Variants in TRAPPC8 observed in about 807,000 individuals in gnomAD.
TRAPPC8 encodes the protein trafficking protein particle complex subunit 8, also known as general sporulation gene 1 homolog.
A neutral mutation model predicts 174.3 loss-of-function variants in TRAPPC8; 54 were observed. The ratio of observed to expected loss-of-function variants is 0.31; its 90% confidence interval spans 0.25 to 0.39. The LOEUF is 0.39. Among genes scored for constraint, TRAPPC8 ranks in the 10% least tolerant of loss-of-function variants. TRAPPC8 has a pLI of 1.00. For synonymous variants in TRAPPC8, 630 were observed against 579.9 expected (o/e 1.09, Z -1.24); for missense variants, 1,531 against 1,699.1 (o/e 0.90, Z 1.74).
intron 16 of TRAPPC8, 56 bp downstream of exon 16, chr18:31,870,316 C>T (rs898320579): frequency 1.6e-5 from 24 of 1,502,414 alleles, no homozygotes; most frequent in Non-Finnish European, 2.2e-5. Flanking sequence ...AATGTTACTA[C>T]AGCATTTGTT....
chr18:31,941,827 A>G (rs1379455688), intron 1 of TRAPPC8, among the ~76,000 whole-genome samples: 1 of 152,228 alleles, frequency 6.6e-6, no homozygotes, highest in Non-Finnish European at 1.5e-5. Flanking sequence ...TGGCTAAAAC[A>G]TGCTTGAAGC....
intron 12 of TRAPPC8, among the ~76,000 whole-genome samples, chr18:31,887,405 G>A (rs2035763891): frequency 6.6e-6 from 1 of 152,168 alleles, no homozygotes; most frequent in South Asian, 2.1e-4. Flanking sequence ...CAGCACTTGG[G>A]AGGCCAAGGC....
chr18:31,938,936 TGAGCATGGTGGCAC>T (rs1456706331), intron 1 of TRAPPC8, among the ~76,000 whole-genome samples: 1 of 151,846 alleles, frequency 6.6e-6, no homozygotes, highest in African/African-American at 2.4e-5. Context: ...AAAAATTAGC[TGAGCATGGTGGCAC>T]GAGCCTGTAG....
At chr18:31,854,704 C>G (rs557156924) in intron 21 of TRAPPC8, among the ~76,000 whole-genome samples, 48 of 152,220 alleles carry the variant, frequency 3.2e-4, no homozygotes, top group Non-Finnish European at 6.6e-4. Flanking sequence ...CACGGTGGCT[C>G]ACGCCTGTAA....
Position 31,885,821 on chromosome 18 carries a change from T to C in TRAPPC8, c.1728+4914A>G, listed in dbSNP as rs549043327. Among the ~76,000 whole-genome samples, 20 of 151,080 alleles carry C rather than the reference T, an allele frequency of 1.3e-4. No homozygotes were observed. The East Asian group carries it at 3.8e-3, about 29-fold the overall frequency. On this transcript the variant is annotated intron_variant, in intron 12 of 28. Coordinates refer to ENST00000283351, the MANE Select transcript of TRAPPC8 (RefSeq NM_014939.5). ...GTTGCAGTGAGCCGAGATCGCGCCA[T>C]TGCACTCCAGCCTGGGCAACAAGAG...
At chr18:31,856,399 T>C (rs1291179099) in intron 20 of TRAPPC8, among the ~76,000 whole-genome samples, 9 of 152,152 alleles carry the variant, frequency 5.9e-5, no homozygotes, top group Non-Finnish European at 1.2e-4. Flanking sequence ...ATCAATCATA[T>C]TCACCATCTT....
At chr18:31,930,122 CTTT>C (rs763334461) in intron 2 of TRAPPC8, among the ~76,000 whole-genome samples, 4,509 of 144,380 alleles carry the variant, frequency 0.031, 238 homozygotes, top group African/African-American at 0.11. Flanking sequence ...TTAGGAAAAA[CTTT>C]TTTTTTTTTT....
chr18:31,895,146 T>C (rs1436313406), intron 11 of TRAPPC8, among the ~76,000 whole-genome samples: 2 of 152,346 alleles, frequency 1.3e-5, no homozygotes, highest in Non-Finnish European at 2.9e-5. Flanking sequence ...GCTATGACGG[T>C]ATTAGCAAAA....
chr18:31,852,527 C>T, intron 23 of TRAPPC8, 23 bp from the exon 24 acceptor site: 1 of 1,614,020 alleles, frequency 6.2e-7, no homozygotes, highest in Non-Finnish European at 8.5e-7. Context: ...GGAAAACAAA[C>T]TAATCATATC....
Position 31,875,831 on chromosome 18 carries a change from C to CATG in TRAPPC8, c.1729-1130_1729-1128dup, listed in dbSNP as rs77688481. Among the ~76,000 whole-genome samples the CATG allele has an allele frequency of 7.3e-3, 1,105 of 152,242 alleles. 42 individuals are homozygous for CATG. In the East Asian group the frequency reaches 0.1, roughly 14 times the overall value. ...GAGGTACACAGAAAGACAGATCCTG[C>CATG]ATGTTCTCACTCATATGTGGGAGCT... is the stretch of plus-strand genomic sequence containing the variant. On this transcript the variant is annotated intron_variant, in intron 12 of 28. Transcript: ENST00000283351.
intron 12 of TRAPPC8, among the ~76,000 whole-genome samples, chr18:31,880,519 T>A (rs12965515): frequency 0.26 from 38,985 of 151,576 alleles, 5,246 homozygotes; most frequent in Middle Eastern, 0.38. Flanking sequence ...GACCCATATA[T>A]GACAAACTCA....
At chr18:31,892,146 AAAG>A (rs1335179453) in intron 11 of TRAPPC8, among the ~76,000 whole-genome samples, 2 of 152,322 alleles carry the variant, frequency 1.3e-5, no homozygotes, top group East Asian at 1.9e-4. Flanking sequence ...ATTTTTTTAA[AAAG>A]AATACATGTT....
chr18:31,908,752 A>T lies in TRAPPC8; in HGVS notation c.1122+2T>A, dbSNP rs780569914. 1 of 1,587,162 alleles carries T rather than the reference A, an allele frequency of 6.3e-7. No homozygotes were observed. Among genetic ancestry groups the T allele is most frequent in the Non-Finnish European group, 8.6e-7 (1 of 1,163,588 alleles). On this transcript the variant is annotated splice_donor_variant, in intron 7 of 28. Coordinates refer to ENST00000283351, the MANE Select transcript of TRAPPC8 (RefSeq NM_014939.5). LOFTEE classifies it high-confidence loss of function. ...ATACTAATCCAAAAAATCAAACCTT[A>T]CCTGATCGTTTAATTGCCTAATTGT...
At chr18:31,893,403 G>A (rs1210262182) in intron 11 of TRAPPC8, among the ~76,000 whole-genome samples, 1 of 136,664 alleles carries the variant, frequency 7.3e-6, no homozygotes, top group Admixed American at 6.9e-5. Flanking sequence ...GTGTGTGTGT[G>A]CGCGCGCGCG....
chr18:31,908,455 A>G, intron 7 of TRAPPC8, 37 bp from the exon 8 acceptor site: 2 of 1,357,134 alleles, frequency 1.5e-6, no homozygotes, highest in Non-Finnish European at 2.0e-6. Flanking sequence ...ACAAACAAAG[A>G]ATTTAGTATT....
At position 31,851,513 on chromosome 18, in the gene TRAPPC8, C is replaced by T. The variant is rs1271780331; in HGVS notation, c.3561+933G>A. ...TTGAATACCACTGTTCTAGGAGGCT[C>T]TTTTTTTTTTTTTCTTTTAAGAGAC... On this transcript the variant is annotated intron_variant, in intron 24 of 28. Coordinates refer to ENST00000283351, the MANE Select transcript of TRAPPC8 (RefSeq NM_014939.5). Among the ~76,000 whole-genome samples the T allele has an allele frequency of 1.2e-4, 18 of 145,790 alleles. No individual in the cohort carries two copies. The East Asian group carries it at 3.6e-3, about 29-fold the overall frequency.
chr18:31,874,224 T>TG, intron 13 of TRAPPC8: 1 of 479,386 alleles, frequency 2.1e-6, no homozygotes, highest in Non-Finnish European at 3.6e-6. Context: ...ACCTGTGGAA[T>TG]CTTTTTTTTT....
chr18:31,899,931 C>A (rs144682384), intron 10 of TRAPPC8, among the ~76,000 whole-genome samples: 1 of 150,352 alleles, frequency 6.7e-6, no homozygotes, highest in Non-Finnish European at 1.5e-5. Flanking sequence ...GGTGACAATG[C>A]GAGACTGTCT....
intron 10 of TRAPPC8, among the ~76,000 whole-genome samples, chr18:31,899,773 C>T (rs1568111184): frequency 2.0e-5 from 3 of 151,818 alleles, no homozygotes; most frequent in East Asian, 1.9e-4. Context: ...AGTGAAACAC[C>T]TTCTCTACTA....
Sources: allele counts gnomAD v4.1 joint callset (sites outside exome capture counted in the v4.1 genomes callset), GRCh38; gene constraint gnomAD v4.1.1; transcripts MANE v1.5; gene names NCBI Gene and HGNC (gene_info 2026-07-23, HGNC 2026-07-21).